KAT2B: variants seen among roughly 807,000 people sequenced by gnomAD.
The protein encoded by KAT2B is histone acetyltransferase KAT2B.
A neutral mutation model predicts 105.9 loss-of-function variants in KAT2B; 36 were observed. That is an observed-to-expected ratio of 0.34 (90% CI 0.26 to 0.45). The LOEUF is 0.45. Among genes scored for constraint, KAT2B ranks in the 20% least tolerant of loss-of-function variants. The pLI is 1.00. For missense variants in KAT2B, 820 were observed against 1,021.6 expected (o/e 0.80, Z 2.69); for synonymous variants, 397 against 377.9 (o/e 1.05, Z -0.59).
At chr3:20,053,958 G>A (rs757258616) in intron 1 of KAT2B, among the ~76,000 whole-genome samples, 26 of 151,830 alleles carry the variant, frequency 1.7e-4, no homozygotes, top group African/African-American at 2.4e-4. Flanking sequence ...CCACCACACC[G>A]AGCTAATTTT....
intron 13 of KAT2B, among the ~76,000 whole-genome samples, chr3:20,143,960 A>G (rs944884677): frequency 2.6e-5 from 4 of 152,186 alleles, no homozygotes; most frequent in African/African-American, 9.7e-5. Context: ...CAGTGAGATC[A>G]TTAGAAGCCC....
chr3:20,066,074 C>T (rs1174089402), intron 1 of KAT2B, among the ~76,000 whole-genome samples: 1 of 152,114 alleles, frequency 6.6e-6, no homozygotes, highest in African/African-American at 2.4e-5. Context: ...CTGGGCCACA[C>T]TCCTTTTGAA....
chr3:20,132,094 G>A (rs1229297076), intron 11 of KAT2B, among the ~76,000 whole-genome samples: 5 of 152,166 alleles, frequency 3.3e-5, no homozygotes, highest in Non-Finnish European at 4.4e-5. Context: ...AACAATTTGG[G>A]CCAGGCGTGG....
In KAT2B at chr3:20,040,634, G is replaced by C. The variant is rs777986437; in HGVS notation, c.157G>C (p.Gly53Arg). ...TGCCGCCGGGGGCTCGGGCGCCTGC[G>C]GTCCGGCGACGGCAGTGGCTGCAGC... ...AAAAGGSGACGPATAVAAAGT... is the reference protein window; with the variant it reads ...AAAAGGSGACRPATAVAAAGT... The change falls in exon 1 of 18, where the codon GGT becomes CGT. Residue 53 changes from glycine to arginine, a missense_variant. Gly to Arg is a moderately radical substitution (Grantham distance 125). Around this residue, in one of 6 missense-constraint regions of KAT2B, gnomAD observed 190 missense variants for 176.7 expected, o/e 1.08. Coordinates refer to ENST00000263754, the MANE Select transcript of KAT2B (RefSeq NM_003884.5). 1.4e-6 allele frequency: 2 copies of C among 1,379,700 alleles called. No homozygotes were observed. The highest frequency in any genetic ancestry group is 3.0e-5 in the African/African-American group (2 of 65,956). 85.5% of individuals were successfully genotyped at this position (1,379,700 alleles called of 1,614,324 possible).
chr3:20,074,364 T>C (rs1200450801), intron 2 of KAT2B, among the ~76,000 whole-genome samples: 1 of 152,202 alleles, frequency 6.6e-6, no homozygotes, highest in African/African-American at 2.4e-5. Flanking sequence ...CCTAACTCTA[T>C]AACCAGTAGC....
rs534315249 is a variant in KAT2B at position 20,139,285 on chromosome 3, T to A, written c.1861-936T>A. ...TTTTTGTGCTCTGAAGACAGATAAATAATCTCCTATTTATTATCTTCTCAT... is the reference window on the plus strand; with the variant it reads ...TTTTTGTGCTCTGAAGACAGATAAAAAATCTCCTATTTATTATCTTCTCAT... On this transcript the variant is annotated intron_variant, in intron 12 of 17. Coordinates refer to ENST00000263754, the MANE Select transcript of KAT2B (RefSeq NM_003884.5). Among the ~76,000 whole-genome samples, 373 of 152,258 alleles carry A rather than the reference T, an allele frequency of 2.4e-3. 1 individual carries two copies. The highest frequency in any genetic ancestry group is 8.6e-3 in the African/African-American group (359 of 41,542).
At chr3:20,041,524 C>A (rs1299750009) in intron 1 of KAT2B, among the ~76,000 whole-genome samples, 1 of 152,222 alleles carries the variant, frequency 6.6e-6, no homozygotes, top group Non-Finnish European at 1.5e-5. Context: ...TTCTTGCTAC[C>A]CACTCTCCAT....
At chr3:20,047,935 T>G (rs533127171) in intron 1 of KAT2B, among the ~76,000 whole-genome samples, 2 of 152,226 alleles carry the variant, frequency 1.3e-5, no homozygotes, top group African/African-American at 2.4e-5. Flanking sequence ...CTTTTTAAAG[T>G]GATATTTTGT....
intron 5 of KAT2B, among the ~76,000 whole-genome samples, chr3:20,103,161 G>A (rs1269556742): frequency 6.6e-6 from 1 of 151,976 alleles, no homozygotes; most frequent in Non-Finnish European, 1.5e-5. Context: ...ATTAACAATA[G>A]TTCTGTATTA....
intron 5 of KAT2B, among the ~76,000 whole-genome samples, chr3:20,109,411 G>A (rs964942337): frequency 2.0e-5 from 3 of 152,130 alleles, no homozygotes; most frequent in African/African-American, 7.2e-5. Context: ...AGAACTCCTA[G>A]GTTCAAGTGA....
At chr3:20,124,037 G>A (rs1699356091) in intron 9 of KAT2B, among the ~76,000 whole-genome samples, 1 of 152,014 alleles carries the variant, frequency 6.6e-6, no homozygotes, top group Non-Finnish European at 1.5e-5. Context: ...TTTATTTTAT[G>A]ACATTGAGGA....
At chr3:20,078,599 A>T (rs148538708) in intron 2 of KAT2B, among the ~76,000 whole-genome samples, 148 of 151,490 alleles carry the variant, frequency 9.8e-4, no homozygotes, top group African/African-American at 3.3e-3. Flanking sequence ...GGCTGGTCTC[A>T]AACTCCTGAG....
chr3:20,086,262 GAC>G (rs573391841), intron 2 of KAT2B, among the ~76,000 whole-genome samples: 2 of 151,184 alleles, frequency 1.3e-5, no homozygotes, highest in South Asian at 4.2e-4. Context: ...GACAGAGTGA[GAC>G]ACTGTCTCAA....
intron 13 of KAT2B, among the ~76,000 whole-genome samples, chr3:20,144,573 G>A (rs1484848861): frequency 6.7e-6 from 1 of 150,296 alleles, no homozygotes; most frequent in African/African-American, 2.4e-5. Context: ...ACAGGCGTGA[G>A]CCACCAAGCC....
Position 20,062,133 on chromosome 3 carries a change from A to T in KAT2B, c.304-10200A>T, listed in dbSNP as rs1175332760. On this transcript the variant is annotated intron_variant, in intron 1 of 17. Coordinates refer to ENST00000263754, the MANE Select transcript of KAT2B (RefSeq NM_003884.5). The stretch of plus-strand genomic sequence containing the variant: ...ATATTATATAAAACATATATATATA[A>T]AATATATAATATATAAAAATATATA... 1.8e-3 allele frequency among the ~76,000 whole-genome samples: 170 copies of T among 95,496 alleles called. 7 individuals carry two copies. The highest frequency in any genetic ancestry group is 7.0e-3 in the African/African-American group (154 of 21,908). 62.6% of individuals were successfully genotyped at this position (95,496 alleles called of 152,430 possible).
chr3:20,048,202 CA>C (rs1224031664), intron 1 of KAT2B, among the ~76,000 whole-genome samples: 1 of 152,140 alleles, frequency 6.6e-6, no homozygotes, highest in Non-Finnish European at 1.5e-5. Context: ...AGGCACAATA[CA>C]AAAAGCCTGA....
intron 1 of KAT2B, among the ~76,000 whole-genome samples, chr3:20,071,767 C>T (rs1344396500): frequency 6.6e-6 from 1 of 152,052 alleles, no homozygotes; most frequent in East Asian, 1.9e-4. Flanking sequence ...ATGATGAAGC[C>T]CTCTTCATTT....
rs150815003 is a variant in KAT2B, at chr3:20,135,394, C to G, written c.1750-1548C>G. Reference sequence around the variant, plus strand: ...TAGTGGCCGGGCGCGGTGGCTCACGCCTGTAATCCCAGCACTTTGGGAGGC... The same window carrying G: ...TAGTGGCCGGGCGCGGTGGCTCACGGCTGTAATCCCAGCACTTTGGGAGGC... On this transcript the variant is annotated intron_variant, in intron 11 of 17. Transcript: ENST00000263754. Among the ~76,000 whole-genome samples the G allele has an allele frequency of 4.3e-3, 652 of 152,270 alleles. 4 individuals carry two copies. The highest frequency in any genetic ancestry group is 0.015 in the African/African-American group (617 of 41,554).
At chr3:20,069,560 C>G (rs1197777453) in intron 1 of KAT2B, among the ~76,000 whole-genome samples, 1 of 148,698 alleles carries the variant, frequency 6.7e-6, no homozygotes. Flanking sequence ...GAGTCTCACT[C>G]TGTCGCTCAG....
Sources: allele counts gnomAD v4.1 joint callset (sites outside exome capture counted in the v4.1 genomes callset), GRCh38; gene constraint gnomAD v4.1.1; regional missense constraint gnomAD v4.1.1; transcripts MANE v1.5; gene names NCBI Gene and HGNC (gene_info 2026-07-23, HGNC 2026-07-21).